ZNF808: variants seen among roughly 807,000 people sequenced by gnomAD.
ZNF808 encodes the protein zinc finger protein 808.
ZNF808 carries 5 observed loss-of-function variants against 8.7 expected under a neutral mutation model. The observed-to-expected ratio is 0.58, with a 90% CI of 0.30 to 1.21. The LOEUF is 1.21. ZNF808 is among the 50% of genes most tolerant of loss of function. The probability of loss-of-function intolerance (pLI) is 0.07; values close to 1 mark genes in which losing one functional copy is unlikely to be tolerated. For missense variants in ZNF808, 1,103 were observed against 1,098.4 expected, an observed-to-expected ratio of 1.00 and a Z score of -0.06; for synonymous variants, 380 against 366.0, an observed-to-expected ratio of 1.04 and a Z score of -0.44.
intron 2 of ZNF808, among the ~76,000 whole-genome samples, chr19:52,535,042 A>C (rs2059592305): frequency 6.6e-6 from 1 of 151,918 alleles, no homozygotes; most frequent in East Asian, 1.9e-4. Flanking sequence ...ACGGGTTAAA[A>C]AAAAAAAGGC....
downstream of ZNF808, among the ~76,000 whole-genome samples, chr19:52,567,817 G>T (rs1329548473): frequency 6.6e-6 from 1 of 152,042 alleles, no homozygotes; most frequent in East Asian, 1.9e-4. Flanking sequence ...GAGCCACCGC[G>T]CCCGGCCTGA....
chr19:52,540,258 C>T (rs2059657937), intron 2 of ZNF808, among the ~76,000 whole-genome samples: 1 of 152,132 alleles, frequency 6.6e-6, no homozygotes, highest in African/African-American at 2.4e-5. Flanking sequence ...GGTCTTCCTG[C>T]CCCGGCCTCC....
intron 3 of ZNF808, among the ~76,000 whole-genome samples, chr19:52,546,764 C>G (rs1230753414): frequency 1.3e-5 from 2 of 150,724 alleles, no homozygotes; most frequent in African/African-American, 2.4e-5. Context: ...CTGCCTCAGC[C>G]TCTTGAGTAG....
chr19:52,544,568 A>C (rs147899460), intron 3 of ZNF808, among the ~76,000 whole-genome samples: 59 of 152,204 alleles, frequency 3.9e-4, no homozygotes, highest in African/African-American at 1.3e-3. Context: ...TGACCTCATG[A>C]TCTGCCTATC....
chr19:52,544,213 C>T (rs533399125), intron 3 of ZNF808, among the ~76,000 whole-genome samples: 41 of 152,190 alleles, frequency 2.7e-4, no homozygotes, highest in African/African-American at 8.7e-4. Flanking sequence ...TTCTGGAGTA[C>T]AATGGCACAA....
At chr19:52,546,846 G>A (rs1159751653) in intron 3 of ZNF808, among the ~76,000 whole-genome samples, 1 of 150,060 alleles carries the variant, frequency 6.7e-6, no homozygotes, top group Non-Finnish European at 1.5e-5. Flanking sequence ...GTTTCGCCAT[G>A]TTGGCCAGGA....
intron 1 of ZNF808, among the ~76,000 whole-genome samples, chr19:52,529,892 C>CATATATAT (rs536138507): frequency 1.5e-4 from 21 of 141,946 alleles, no homozygotes; most frequent in Admixed American, 1.1e-3. Flanking sequence ...AGCTAGTTTA[C>CATATATAT]ATATATATAT....
In ZNF808 at chr19:52,554,460, A is replaced by G. The variant is rs1568490751; in HGVS notation, c.1544A>G (p.Gln515Arg). Residue 515 changes from glutamine to arginine, a missense_variant, in exon 5 of 5, where the codon CAG (glutamine) becomes CGG (arginine). Physicochemically the swap from Gln to Arg is conservative, Grantham distance 43. Transcript: ENST00000359798. ...GGTGAAAAACCTTACAAGTGTAATC[A>G]GTGTGGCAATACCTTCCGTCACCGG... ...HSGEKPYKCN[Q>R]CGNTFRHRAS... The G allele has an allele frequency of 6.2e-7, 1 of 1,614,176 alleles. No individual in the cohort carries two copies. The highest frequency in any genetic ancestry group is 1.7e-5 in the Admixed American group (1 of 60,022).
At chr19:52,537,864 A>C (rs1410076335) in intron 2 of ZNF808, among the ~76,000 whole-genome samples, 1 of 152,132 alleles carries the variant, frequency 6.6e-6, no homozygotes, top group Non-Finnish European at 1.5e-5. Flanking sequence ...TGTTCTATAA[A>C]TATTGGTATC....
intron 4 of ZNF808, among the ~76,000 whole-genome samples, chr19:52,551,929 G>A (rs1458377538): frequency 2.0e-5 from 3 of 152,108 alleles, no homozygotes; most frequent in Admixed American, 1.3e-4. Flanking sequence ...CTTCAACCCA[G>A]CAGGCAGAGG....
chr19:52,554,058 C>T lies in ZNF808; in HGVS notation c.1142C>T (p.Ala381Val), dbSNP rs1470260975. 4.3e-6 allele frequency: 7 copies of T among 1,613,968 alleles called. No individual in the cohort carries two copies. The highest frequency in any genetic ancestry group is 2.2e-5 in the East Asian group (1 of 44,850). ...TGTAAGATTTGTGAGAAGGCTTTTGCGTGTCATTCCTATCTGGCAAACCAT... is the reference window on the plus strand; with the variant it reads ...TGTAAGATTTGTGAGAAGGCTTTTGTGTGTCATTCCTATCTGGCAAACCAT... ...YKCKICEKAF[A>V]CHSYLANHTR... Residue 381 changes from alanine to valine, a missense_variant, in exon 5 of 5, where the codon GCG (alanine) becomes GTG (valine). Coordinates refer to ENST00000359798, the MANE Select transcript of ZNF808 (RefSeq NM_001039886.4).
intron 2 of ZNF808, among the ~76,000 whole-genome samples, chr19:52,538,007 TTTAA>T (rs34650122): frequency 0.32 from 49,035 of 150,966 alleles, 8,596 homozygotes; most frequent in East Asian, 0.51. Context: ...ACATAATACT[TTTAA>T]TTAATTAATT....
At chr19:52,548,808 A>G (rs999430079) in intron 4 of ZNF808, among the ~76,000 whole-genome samples, 5 of 152,120 alleles carry the variant, frequency 3.3e-5, no homozygotes, top group Non-Finnish European at 4.4e-5. Context: ...GTCGATGCAC[A>G]TCTTTACTAT....
intron 3 of ZNF808, among the ~76,000 whole-genome samples, chr19:52,544,180 G>C (rs1456934795): frequency 1.3e-5 from 2 of 152,064 alleles, no homozygotes; most frequent in Non-Finnish European, 2.9e-5. Context: ...GAGAGAGAGA[G>C]AAGGTGTCGC....
chr19:52,543,307 A>G lies in ZNF808; in HGVS notation c.23A>G (p.Gln8Arg), dbSNP rs1479863815. Reference protein sequence around the residue: MLREEAAQKRKGKESGMA... With the variant: MLREEAARKRKGKESGMA... ...CTCATGTTACGTGAGGAAGCAGCTC[A>G]GAAGAGGAAAGGAAAGGAGTCAGGC... is the stretch of plus-strand genomic sequence containing the variant. Residue 8 changes from glutamine (Q) to arginine (R), a missense_variant, in exon 3 of 5, where the codon CAG (glutamine) becomes CGG (arginine). Coordinates refer to ENST00000359798, the MANE Select transcript of ZNF808 (RefSeq NM_001039886.4). 1.9e-6 allele frequency: 3 copies of G among 1,613,714 alleles called. No individual in the cohort carries two copies. The African/African-American group carries it at 4.0e-5, about 22-fold the overall frequency.
chr19:52,532,028 A>G (rs1222389153), intron 1 of ZNF808, among the ~76,000 whole-genome samples: 7 of 152,224 alleles, frequency 4.6e-5, no homozygotes, highest in Non-Finnish European at 7.3e-5. Context: ...TGCAGGCTGT[A>G]TAAATGTACT....
At chr19:52,565,255 G>A (rs897464867), downstream of ZNF808, among the ~76,000 whole-genome samples, 3 of 152,070 alleles carry the variant, frequency 2.0e-5, no homozygotes, top group Non-Finnish European at 4.4e-5. Flanking sequence ...ACCAGCCTGG[G>A]CAACAAGAGC....
rs776454918 is a variant in ZNF808, at chr19:52,554,869, C to A, written c.1953C>A (p.Tyr651Ter). 7 of 1,614,184 alleles carry A rather than the reference C, an allele frequency of 4.3e-6. No individual in the cohort carries two copies. The highest frequency in any genetic ancestry group is 5.9e-6 in the Non-Finnish European group (7 of 1,180,034). The change falls in exon 5 of 5, where the codon TAC becomes TAA. Residue 651 changes from tyrosine to a stop codon, truncating the protein, a stop_gained. Coordinates refer to ENST00000359798, the MANE Select transcript of ZNF808 (RefSeq NM_001039886.4). LOFTEE classifies it low-confidence loss of function (END_TRUNC). ...GAATTCACACTGGAGAAAAAACTTACAAGTGTAATGAGTGTGGGAAGACCT... is the reference window on the plus strand; with the variant it reads ...GAATTCACACTGGAGAAAAAACTTAAAAGTGTAATGAGTGTGGGAAGACCT... ...HTRIHTGEKT[Y>*]KCNECGKTFS...
At chr19:52,530,044 C>T (rs1457312365) in intron 1 of ZNF808, among the ~76,000 whole-genome samples, 4 of 151,692 alleles carry the variant, frequency 2.6e-5, no homozygotes, top group African/African-American at 7.3e-5. Flanking sequence ...GATGGCCCAC[C>T]GCGTCTGGCC....
Sources: allele counts gnomAD v4.1 joint callset (sites outside exome capture counted in the v4.1 genomes callset), GRCh38; gene constraint gnomAD v4.1.1; transcripts MANE v1.5; gene names NCBI Gene and HGNC (gene_info 2026-07-23, HGNC 2026-07-21).